Variants in CCDC171 observed in about 807,000 individuals in gnomAD.
CCDC171 encodes coiled-coil domain containing 171, also known as coiled-coil domain-containing protein 171.
CCDC171 carries 177 observed loss-of-function variants against 168.2 expected under a neutral mutation model. The observed-to-expected ratio is 1.05, with a 90% CI of 0.93 to 1.19. The LOEUF is 1.19. Ranked by LOEUF, CCDC171 falls within the 50% of genes most tolerant of loss-of-function variation. The probability of loss-of-function intolerance (pLI) is 0.00; values close to 1 mark genes in which losing one functional copy is unlikely to be tolerated. For synonymous variants in CCDC171, 687 were observed against 540.8 expected (o/e 1.27, Z -3.75); for missense variants, 1,991 against 1,539.0 (o/e 1.29, Z -4.91).
chr9:16,100,663 C>T, the CCDC171 span, among the ~76,000 whole-genome samples: 2 of 152,182 alleles, frequency 1.3e-5, no homozygotes, highest in Admixed American at 1.3e-4. Context: ...TAAAATGTAA[C>T]ACTGGGCTGG....
chr9:15,744,222 A>T (rs530030415), intron 16 of CCDC171, 51 bp from the exon 17 acceptor site: 1 of 1,423,100 alleles, frequency 7.0e-7, no homozygotes, highest in Non-Finnish European at 9.4e-7. Context: ...GGAAATTAAT[A>T]TAATGCCTGT....
intron 25 of CCDC171, among the ~76,000 whole-genome samples, chr9:15,933,022 A>G (rs1254349252): frequency 6.6e-6 from 1 of 151,958 alleles, no homozygotes. Flanking sequence ...GTTTGCCTCT[A>G]TGTTCATCAG....
intron 7 of CCDC171, among the ~76,000 whole-genome samples, chr9:15,645,234 C>G (rs1358021799): frequency 6.6e-6 from 1 of 152,200 alleles, no homozygotes; most frequent in African/African-American, 2.4e-5. Context: ...AAAACCCCAT[C>G]TGTATGTCAC....
chr9:16,018,878 C>G (rs1194229193), intron 3 of CCDC171, among the ~76,000 whole-genome samples: 1 of 152,236 alleles, frequency 6.6e-6, no homozygotes, highest in South Asian at 2.1e-4. Context: ...AGCCATCAGT[C>G]AGGCCCACCA....
At chr9:15,943,948 C>T (rs974765270) in intron 25 of CCDC171, among the ~76,000 whole-genome samples, 2 of 151,962 alleles carry the variant, frequency 1.3e-5, no homozygotes, top group Non-Finnish European at 2.9e-5. Flanking sequence ...AATGATAGGG[C>T]TTGAACAAGG....
chr9:15,707,234 A>G (rs2052316452), intron 11 of CCDC171, among the ~76,000 whole-genome samples: 1 of 152,200 alleles, frequency 6.6e-6, no homozygotes, highest in African/African-American at 2.4e-5. Context: ...TCATAGTTTC[A>G]GTTTATGAAA....
At chr9:15,698,006 G>T (rs994560896) in intron 11 of CCDC171, among the ~76,000 whole-genome samples, 8 of 151,998 alleles carry the variant, frequency 5.3e-5, no homozygotes, top group Non-Finnish European at 1.0e-4. Context: ...CTTTCTATTG[G>T]GAACATTTCA....
chr9:16,105,185 G>T, the CCDC171 span, among the ~76,000 whole-genome samples: 1 of 152,164 alleles, frequency 6.6e-6, no homozygotes, highest in Non-Finnish European at 1.5e-5. Flanking sequence ...ATATATTTGG[G>T]CTATGTGTAA....
intron 3 of CCDC171, among the ~76,000 whole-genome samples, chr9:15,577,415 A>G (rs947874077): frequency 6.6e-6 from 1 of 152,146 alleles, no homozygotes; most frequent in Non-Finnish European, 1.5e-5. Context: ...GCTTATTTTC[A>G]ACTGGCACTT....
At chr9:16,030,910 T>A (rs189943095) in intron 6 of CCDC171, among the ~76,000 whole-genome samples, 6 of 152,266 alleles carry the variant, frequency 3.9e-5, no homozygotes, top group Admixed American at 3.3e-4. Flanking sequence ...ATTAATGGAC[T>A]TCAAAGCAGA....
intron 25 of CCDC171, among the ~76,000 whole-genome samples, chr9:15,962,071 T>G (rs748463081): frequency 2.6e-5 from 4 of 152,170 alleles, no homozygotes; most frequent in African/African-American, 4.8e-5. Flanking sequence ...GAAATTCAGA[T>G]TTCACTGTCC....
chr9:15,949,555 C>G (rs1391331982), intron 25 of CCDC171, among the ~76,000 whole-genome samples: 1 of 151,784 alleles, frequency 6.6e-6, no homozygotes, highest in African/African-American at 2.4e-5. Context: ...GTATTTTATT[C>G]TCTTTGAAGC....
chr9:15,634,517 C>T (rs2046039246), intron 7 of CCDC171, among the ~76,000 whole-genome samples: 1 of 152,090 alleles, frequency 6.6e-6, no homozygotes, highest in Non-Finnish European at 1.5e-5. Context: ...GCTTCTGGTT[C>T]AGATTTATAT....
intron 21 of CCDC171, among the ~76,000 whole-genome samples, chr9:15,812,438 C>G (rs1004366582): frequency 6.6e-6 from 1 of 152,168 alleles, no homozygotes; most frequent in Admixed American, 6.5e-5. Flanking sequence ...TTTGAGTCAA[C>G]TGTGTGCTAA....
intron 7 of CCDC171, among the ~76,000 whole-genome samples, chr9:15,630,457 A>G (rs2045582433): frequency 6.6e-6 from 1 of 152,220 alleles, no homozygotes; most frequent in Non-Finnish European, 1.5e-5. Context: ...AAAAGGATCA[A>G]TTCAACAAGA....
chr9:15,890,229 A>G (rs111309065), intron 24 of CCDC171, among the ~76,000 whole-genome samples: 2 of 152,224 alleles, frequency 1.3e-5, no homozygotes, highest in African/African-American at 4.8e-5. Context: ...CTGATATGAA[A>G]TGAAAGACAT....
Position 15,605,012 on chromosome 9 carries a change from C to T in CCDC171, c.675+10840C>T, listed in dbSNP as rs115566892. On this transcript the variant is annotated intron_variant, in intron 6 of 25. Transcript: ENST00000380701. ...AGCTCACTGCAGCCTTTGCCTACCT[C>T]AGCCTCCTTTGTATCTGGGACCATA... Among the ~76,000 whole-genome samples the T allele has an allele frequency of 6.1e-3, 930 of 152,222 alleles. 9 individuals are homozygous for T. The highest frequency in any genetic ancestry group is 0.022 in the African/African-American group (905 of 41,530).
intron 10 of CCDC171, among the ~76,000 whole-genome samples, chr9:15,680,510 A>G (rs1232386767): frequency 6.6e-6 from 1 of 152,216 alleles, no homozygotes; most frequent in Non-Finnish European, 1.5e-5. Context: ...AATAGGATAT[A>G]GTTAAAACTC....
chr9:16,066,452 TTTC>T (rs1401491593), downstream of CCDC171, among the ~76,000 whole-genome samples: 1 of 134,556 alleles, frequency 7.4e-6, no homozygotes, highest in Admixed American at 7.0e-5. Flanking sequence ...TCTTCCTCTT[TTTC>T]TTTTCTTTTT....
Sources: allele counts gnomAD v4.1 joint callset (sites outside exome capture counted in the v4.1 genomes callset), GRCh38; gene constraint gnomAD v4.1.1; transcripts MANE v1.5; gene names NCBI Gene and HGNC (gene_info 2026-07-23, HGNC 2026-07-21).